The following SYT17 variants were observed in gnomAD, a reference collection of about 807,000 sequenced individuals.
The protein encoded by SYT17 is synaptotagmin 17, also known as synaptotagmin-17.
A neutral mutation model predicts 46.7 loss-of-function variants in SYT17; 22 were observed. The observed-to-expected ratio is 0.47, with a 90% CI of 0.34 to 0.67. The LOEUF is 0.67. SYT17 is among the 30% of genes least tolerant of loss of function. The pLI is 0.01. For synonymous variants in SYT17, 251 were observed against 248.4 expected, an observed-to-expected ratio of 1.01 and a Z score of -0.10; for missense variants, 519 against 612.8, an observed-to-expected ratio of 0.85 and a Z score of 1.62.
At chr16:19,169,129 C>T (rs1052115398) in intron 1 of SYT17, among the ~76,000 whole-genome samples, 3 of 152,066 alleles carry the variant, frequency 2.0e-5, no homozygotes, top group African/African-American at 7.2e-5. Context: ...GTCGTCTCTC[C>T]TGGGCACTGG....
intron 5 of SYT17, among the ~76,000 whole-genome samples, chr16:19,200,419 A>G (rs1965416108): frequency 1.3e-5 from 2 of 152,204 alleles, no homozygotes; most frequent in Non-Finnish European, 2.9e-5. Flanking sequence ...TTGATGTGAA[A>G]TTTTACATTC....
At chr16:19,255,272 CT>C (rs1968477332) in intron 7 of SYT17, among the ~76,000 whole-genome samples, 1 of 152,092 alleles carries the variant, frequency 6.6e-6, no homozygotes, top group Non-Finnish European at 1.5e-5. Flanking sequence ...ATCGTTGCTG[CT>C]TTTCCCTTAA....
At chr16:19,200,609 C>G (rs2239979) in intron 5 of SYT17, among the ~76,000 whole-genome samples, 1 of 152,046 alleles carries the variant, frequency 6.6e-6, no homozygotes, top group Non-Finnish European at 1.5e-5. Context: ...GTCACTCCCT[C>G]TTCATTTCTC....
chr16:19,173,045 T>C (rs1964163575), intron 2 of SYT17: 2 of 577,684 alleles, frequency 3.5e-6, no homozygotes, highest in East Asian at 2.9e-5. Flanking sequence ...TTTAAAAATA[T>C]TTTTTCCCCT....
At chr16:19,232,132 C>T (rs1300827692) in intron 7 of SYT17, among the ~76,000 whole-genome samples, 1 of 152,206 alleles carries the variant, frequency 6.6e-6, no homozygotes, top group Non-Finnish European at 1.5e-5. Context: ...CAGGGGTTGG[C>T]ATGAAAGACC....
chr16:19,185,398 G>A (rs971769485), intron 5 of SYT17, among the ~76,000 whole-genome samples: 13 of 152,168 alleles, frequency 8.5e-5, no homozygotes, highest in African/African-American at 2.7e-4. Flanking sequence ...ACCAGCCTGG[G>A]CAACACAGTG....
At chr16:19,236,042 G>C (rs530869586) in intron 7 of SYT17, among the ~76,000 whole-genome samples, 1 of 152,304 alleles carries the variant, frequency 6.6e-6, no homozygotes, top group African/African-American at 2.4e-5. Context: ...GCATTGGCAT[G>C]GAGACAGGCG....
chr16:19,225,804 C>T (rs1011018072), intron 7 of SYT17, among the ~76,000 whole-genome samples: 3 of 152,206 alleles, frequency 2.0e-5, no homozygotes, highest in Non-Finnish European at 2.9e-5. Flanking sequence ...TGACTTTCAT[C>T]AGAGTGGTCA....
intron 5 of SYT17, among the ~76,000 whole-genome samples, chr16:19,189,182 CTCT>C (rs1205170315): frequency 6.6e-6 from 1 of 152,072 alleles, no homozygotes; most frequent in East Asian, 1.9e-4. Flanking sequence ...CACGTCTTTT[CTCT>C]TCTTATAAGG....
intron 5 of SYT17, among the ~76,000 whole-genome samples, chr16:19,186,115 T>C (rs1455044357): frequency 6.6e-6 from 1 of 152,174 alleles, no homozygotes; most frequent in African/African-American, 2.4e-5. Context: ...CTCCTCACCC[T>C]TGATAGAGCT....
intron 5 of SYT17, among the ~76,000 whole-genome samples, chr16:19,203,848 G>A (rs1246835308): frequency 2.0e-5 from 3 of 152,242 alleles, no homozygotes; most frequent in Non-Finnish European, 4.4e-5. Context: ...GGCTGCGCAT[G>A]GGATGGGGGT....
Position 19,231,021 on chromosome 16 carries a change from C to T in SYT17, c.1228+6183C>T, listed in dbSNP as rs781284175. ...ATAAATAAATAATATAGTTTATCTA[C>T]GTTGTCTACATAGAGTCTGAGATTC... On this transcript the variant is annotated intron_variant, in intron 7 of 7. Transcript: ENST00000355377. Among the ~76,000 whole-genome samples the T allele has an allele frequency of 2.6e-5, 4 of 152,142 alleles. No individual in the cohort carries two copies. The East Asian group carries it at 5.8e-4, about 22-fold the overall frequency.
chr16:19,204,846 C>G (rs1965603793), intron 5 of SYT17, among the ~76,000 whole-genome samples: 1 of 152,062 alleles, frequency 6.6e-6, no homozygotes, highest in South Asian at 2.1e-4. Context: ...TGGCTCACGT[C>G]TCACTCCTAC....
chr16:19,202,627 A>G (rs985448543), intron 5 of SYT17, among the ~76,000 whole-genome samples: 2 of 152,174 alleles, frequency 1.3e-5, no homozygotes, highest in African/African-American at 4.8e-5. Context: ...GAAAGTTCCA[A>G]CCTTTTAATC....
At chr16:19,256,114 G>A (rs1020934576) in intron 7 of SYT17, among the ~76,000 whole-genome samples, 43 of 152,166 alleles carry the variant, frequency 2.8e-4, no homozygotes, top group African/African-American at 9.9e-4. Flanking sequence ...TAGATTTGTT[G>A]TGCGGATTAA....
At chr16:19,233,269 C>T (rs954981717) in intron 7 of SYT17, among the ~76,000 whole-genome samples, 3 of 151,966 alleles carry the variant, frequency 2.0e-5, no homozygotes, top group Non-Finnish European at 2.9e-5. Context: ...GAAGGCACGG[C>T]GGGGAATGGG....
At chr16:19,221,586 A>G (rs1966320664) in intron 5 of SYT17, among the ~76,000 whole-genome samples, 1 of 152,194 alleles carries the variant, frequency 6.6e-6, no homozygotes, top group Admixed American at 6.5e-5. Context: ...TAACTCACTC[A>G]GTACAGGAAT....
intron 5 of SYT17, among the ~76,000 whole-genome samples, chr16:19,185,282 A>T (rs1488519754): frequency 6.6e-6 from 1 of 152,106 alleles, no homozygotes; most frequent in Non-Finnish European, 1.5e-5. Flanking sequence ...GGCCACCATG[A>T]GGTCAATAAG....
chr16:19,173,001 G>T, intron 2 of SYT17: 2 of 598,124 alleles, frequency 3.3e-6, no homozygotes, highest in South Asian at 2.2e-5. Context: ...TATTCCGTTT[G>T]ATTATCTCTG....
Sources: gnomAD v4.1 joint callset for allele counts (sites outside exome capture counted in the v4.1 genomes callset) on GRCh38, gnomAD v4.1.1 for gene constraint, MANE v1.5 for transcripts, NCBI Gene and HGNC (gene_info 2026-07-23, HGNC 2026-07-21) for gene names.